PLOD3: variants seen among roughly 807,000 people sequenced by gnomAD.
The protein encoded by PLOD3 is procollagen-lysine,2-oxoglutarate 5-dioxygenase 3, also known as multifunctional procollagen lysine hydroxylase and glycosyltransferase LH3.
In PLOD3, 73 loss-of-function variants were observed where a neutral mutation model predicts 96.9. That is an observed-to-expected ratio of 0.75 (90% CI 0.62 to 0.92). The LOEUF (loss-of-function observed/expected upper bound fraction) is 0.92. Ranked by LOEUF, PLOD3 falls within the 40% of genes least tolerant of loss-of-function variation. The probability of loss-of-function intolerance (pLI) is 0.00; values close to 1 mark genes in which losing one functional copy is unlikely to be tolerated. For synonymous variants in PLOD3, 454 were observed against 413.7 expected, an observed-to-expected ratio of 1.10 and a Z score of -1.18; for missense variants, 1,004 against 1,004.3, an observed-to-expected ratio of 1.00 and a Z score of 0.00.
intron 12 of PLOD3, chr7:101,211,149 G>A (rs1798175069): frequency 4.8e-6 from 1 of 208,786 alleles, no homozygotes; most frequent in African/African-American, 2.3e-5. Flanking sequence ...CCAAAGTGCT[G>A]GGATTACAGG....
At chr7:101,215,691 A>T (rs1214692576) in intron 5 of PLOD3, among the ~76,000 whole-genome samples, 1 of 151,698 alleles carries the variant, frequency 6.6e-6, no homozygotes, top group Non-Finnish European at 1.5e-5. Context: ...TGTAGAGATG[A>T]GGTCTCAACT....
At chr7:101,208,743 C>T (rs1798130908) in intron 16 of PLOD3, 110 bp downstream of exon 16, 1 of 748,166 alleles carries the variant, frequency 1.3e-6, no homozygotes, top group Admixed American at 2.0e-5. Flanking sequence ...GGTCTGCCTC[C>T]CCCCTGGGAA....
Position 101,212,585 on chromosome 7 carries a change from C to T in PLOD3, c.950G>A (p.Arg317Gln), listed in dbSNP as rs373230090. ...PTPFLPRFLQ[R>Q]LLLLDYPPDR... ...GGGGGGATAGTCCAGGAGTAGCAGC[C>T]GCTGCAGGAAGCGGGGCAGAAACGG... Residue 317 changes from arginine (R) to glutamine (Q), a missense_variant, in exon 9 of 19, where the codon CGG (arginine) becomes CAG (glutamine). Arg to Gln is a conservative substitution (Grantham distance 43). Transcript: ENST00000223127. The T allele has an allele frequency of 1.2e-5, 19 of 1,613,594 alleles. No individual in the cohort carries two copies. The highest frequency in any genetic ancestry group is 1.4e-5 in the Non-Finnish European group (16 of 1,179,866).
In PLOD3 at chr7:101,207,657, T is replaced by A; in HGVS notation, c.1856A>T (p.Tyr619Phe). ...CAGCAGCTGCAGCCACTGGTCCTCGTACCCCACCTGCTTCATGTGGATGTC... is the reference window on the plus strand; with the variant it reads ...CAGCAGCTGCAGCCACTGGTCCTCGAACCCCACCTGCTTCATGTGGATGTC... Reference protein sequence around the residue: ...TVDIHMKQVGYEDQWLQLLRT... With the variant: ...TVDIHMKQVGFEDQWLQLLRT... Residue 619 changes from tyrosine to phenylalanine, a missense_variant, in exon 17 of 19, where the codon TAC (tyrosine) becomes TTC (phenylalanine). By Grantham distance (22) the Tyr-to-Phe change is conservative. Transcript: ENST00000223127. 1 of 1,613,856 alleles carries A rather than the reference T, an allele frequency of 6.2e-7. No individual in the cohort carries two copies. The highest frequency in any genetic ancestry group is 1.1e-5 in the South Asian group (1 of 91,070).
chr7:101,213,258 C>T, intron 6 of PLOD3, 54 bp from the exon 7 acceptor site: 1 of 1,167,142 alleles, frequency 8.6e-7, no homozygotes, highest in African/African-American at 1.5e-5. Context: ...AGCTACCAAG[C>T]AACACATTCT....
intron 7 of PLOD3, 79 bp from the exon 8 acceptor site, chr7:101,213,022 C>CTGGGAAGGGCCAGCTTCTCAGAAGGG: frequency 8.7e-7 from 1 of 1,143,866 alleles, no homozygotes; most frequent in Non-Finnish European, 1.2e-6. Context: ...GATATGGGGG[C>CTGGGAAGGGCCAGCTTCTCAGAAGGG]TGGGAAGGGC....
Position 101,207,741 on chromosome 7 carries a change from C to T in PLOD3, c.1789-17G>A. 6.2e-7 allele frequency: 1 copy of T among 1,612,658 alleles called. No homozygotes were observed. Among genetic ancestry groups the T allele is most frequent in the East Asian group, 2.2e-5 (1 of 44,786 alleles). ...CCTTGAATCCTGGGGGCGGCGGGCA[C>T]TGAGCCACCCGCCCCTCCAGCCATG... On this transcript the variant is annotated splice_polypyrimidine_tract_variant and intron_variant, in intron 16 of 18. Coordinates refer to ENST00000223127, the MANE Select transcript of PLOD3 (RefSeq NM_001084.5).
chr7:101,214,480 C>A (rs1798237127), intron 6 of PLOD3, among the ~76,000 whole-genome samples: 2 of 152,146 alleles, frequency 1.3e-5, no homozygotes, highest in Non-Finnish European at 2.9e-5. Context: ...ACCAACCCCT[C>A]CACAAGCTGT....
chr7:101,216,735 C>T lies in PLOD3; in HGVS notation c.161G>A (p.Arg54His). The change falls in exon 2 of 19, where the codon CGT becomes CAT. Residue 54 changes from arginine to histidine, a missense_variant. Physicochemically the swap from Arg to His is conservative, Grantham distance 29. Coordinates refer to ENST00000223127, the MANE Select transcript of PLOD3 (RefSeq NM_001084.5). ...VATAETEGYL[R>H]FLRSAEFFNY... ...GAAGAACTCCGCAGAGCGCAGGAAA[C>T]GCAGGTACCCCTCGGTTTCAGCTGT... is the stretch of plus-strand genomic sequence containing the variant. 6.2e-7 allele frequency: 1 copy of T among 1,614,052 alleles called. No individual in the cohort carries two copies. Among genetic ancestry groups the T allele is most frequent in the Non-Finnish European group, 8.5e-7 (1 of 1,179,948 alleles).
chr7:101,214,866 G>C (rs754868681), intron 6 of PLOD3, among the ~76,000 whole-genome samples: 1 of 152,072 alleles, frequency 6.6e-6, no homozygotes. Flanking sequence ...CCGGTGCCCA[G>C]GCACAGCATG....
chr7:101,209,816 C>T (rs1487581055), intron 15 of PLOD3: 3 of 377,612 alleles, frequency 7.9e-6, no homozygotes, highest in Non-Finnish European at 9.5e-6. Flanking sequence ...GCTGGGATTA[C>T]AGGCATGAGC....
intron 17 of PLOD3, 29 bp downstream of exon 17, chr7:101,207,549 G>A (rs1437665545): frequency 1.2e-6 from 2 of 1,609,378 alleles, no homozygotes; most frequent in Non-Finnish European, 1.7e-6. Context: ...GGGGAAGGTG[G>A]GGAGGCAGCT....
At chr7:101,210,232 C>T in intron 14 of PLOD3, 71 bp from the exon 15 acceptor site, 1 of 1,478,528 alleles carries the variant, frequency 6.8e-7, no homozygotes. Context: ...CCGCCCCCTC[C>T]CACTCAGTGT....
At chr7:101,210,770 C>T in intron 12 of PLOD3, 97 bp from the exon 13 acceptor site, 3 of 1,399,210 alleles carry the variant, frequency 2.1e-6, no homozygotes, top group Admixed American at 3.5e-5. Context: ...GTATCCCAGT[C>T]CCTGAACATA....
Position 101,212,303 on chromosome 7 carries a change from G to A in PLOD3, c.1077C>T (p.Leu359=), listed in dbSNP as rs751555313. Residue 359 remains leucine, a synonymous_variant, in exon 10 of 19, where the codon CTC becomes CTT. Coordinates refer to ENST00000223127, the MANE Select transcript of PLOD3 (RefSeq NM_001084.5). The stretch of plus-strand genomic sequence containing the variant: ...GGCTCAGAGCCTCCTCCGGCCCCAC[G>A]AGCTTCACAGCTGAGAAGTGGTCCT... ...QLQDHFSAVK[L]VGPEEALSPG... is the part of the protein sequence containing the mutation. The A allele has an allele frequency of 7.4e-6, 12 of 1,613,712 alleles. No individual in the cohort carries two copies. Among genetic ancestry groups the A allele is most frequent in the Middle Eastern group, 1.7e-4 (1 of 5,984 alleles).
At chr7:101,209,636 C>T (rs1483221986) in intron 15 of PLOD3, among the ~76,000 whole-genome samples, 1 of 151,158 alleles carries the variant, frequency 6.6e-6, no homozygotes, top group Non-Finnish European at 1.5e-5. Context: ...AGGTGATCTG[C>T]CTGCCTCGGC....
At chr7:101,212,677 G>A (rs2116805087) in intron 8 of PLOD3, 22 bp from the exon 9 acceptor site, 2 of 1,613,078 alleles carry the variant, frequency 1.2e-6, no homozygotes, top group Non-Finnish European at 1.7e-6. Flanking sequence ...AACACGCAGG[G>A]ACTCAGAGAG....
At chr7:101,209,000 G>A (rs1382215424) in intron 15 of PLOD3, 43 bp from the exon 16 acceptor site, 2 of 1,363,472 alleles carry the variant, frequency 1.5e-6, no homozygotes, top group Admixed American at 1.7e-5. Flanking sequence ...TGACGCCGCA[G>A]AACGGGGAAG....
chr7:101,209,366 C>G (rs1055885188), intron 15 of PLOD3, among the ~76,000 whole-genome samples: 2 of 151,916 alleles, frequency 1.3e-5, no homozygotes, highest in Non-Finnish European at 2.9e-5. Context: ...GCCACCATGC[C>G]AAGCTAATTT....
Sources: gnomAD v4.1 joint callset for allele counts (sites outside exome capture counted in the v4.1 genomes callset) on GRCh38, gnomAD v4.1.1 for gene constraint, MANE v1.5 for transcripts, NCBI Gene and HGNC (gene_info 2026-07-23, HGNC 2026-07-21) for gene names.